COMMD10: variants seen among roughly 807,000 people sequenced by gnomAD.
COMMD10 encodes COMM domain containing 10.
Under a neutral mutation model 28.9 loss-of-function variants are expected in COMMD10, and 33 were observed. The observed-to-expected ratio is 1.14, with a 90% CI of 0.87 to 1.53. The LOEUF is 1.53. Among genes scored for constraint, COMMD10 ranks in the 40% most tolerant of loss-of-function variants. The pLI, the probability that COMMD10 is intolerant of heterozygous loss-of-function variation, is 0.00. For missense variants in COMMD10, 310 were observed against 233.4 expected (o/e 1.33, Z -2.14); for synonymous variants, 110 against 81.7 (o/e 1.35, Z -1.87).
chr5:116,110,912 C>G (rs906610912), intron 4 of COMMD10, among the ~76,000 whole-genome samples: 1 of 152,174 alleles, frequency 6.6e-6, no homozygotes, highest in Non-Finnish European at 1.5e-5. Flanking sequence ...AAACCTGCCT[C>G]CATCATCCAA....
intron 5 of COMMD10, among the ~76,000 whole-genome samples, chr5:116,250,873 C>G (rs1750093415): frequency 6.6e-6 from 1 of 151,984 alleles, no homozygotes; most frequent in African/African-American, 2.4e-5. Context: ...AGAAACCAGT[C>G]TGATTTCAGT....
chr5:116,258,981 TC>T (rs1750365105), intron 5 of COMMD10, among the ~76,000 whole-genome samples: 1 of 151,702 alleles, frequency 6.6e-6, no homozygotes, highest in South Asian at 2.1e-4. Context: ...ACTTTATATT[TC>T]CTCATTTTGC....
At chr5:116,289,399 G>T (rs184419181) in intron 5 of COMMD10, among the ~76,000 whole-genome samples, 28 of 151,918 alleles carry the variant, frequency 1.8e-4, no homozygotes, top group Admixed American at 1.8e-3. Context: ...TTGTGCAGGG[G>T]AAGACCTTCA....
At chr5:116,183,801 G>A (rs1423544318) in intron 5 of COMMD10, among the ~76,000 whole-genome samples, 1 of 152,074 alleles carries the variant, frequency 6.6e-6, no homozygotes, top group Non-Finnish European at 1.5e-5. Flanking sequence ...TGGCCCTTAG[G>A]AAATGTCTCT....
intron 5 of COMMD10, among the ~76,000 whole-genome samples, chr5:116,277,264 A>G (rs1381441002): frequency 2.0e-5 from 3 of 151,906 alleles, no homozygotes; most frequent in Non-Finnish European, 2.9e-5. Flanking sequence ...ATAGAAATAT[A>G]TCAACTCATT....
intron 5 of COMMD10, among the ~76,000 whole-genome samples, chr5:116,192,013 C>G (rs985435404): frequency 1.3e-5 from 2 of 151,744 alleles, no homozygotes; most frequent in African/African-American, 4.8e-5. Flanking sequence ...ACCCCCAGTA[C>G]CAGCCTGGAG....
intron 5 of COMMD10, among the ~76,000 whole-genome samples, chr5:116,207,929 T>A (rs1210968736): frequency 1.3e-5 from 2 of 152,192 alleles, no homozygotes; most frequent in African/African-American, 2.4e-5. Context: ...ATTGTGTTAA[T>A]CTCTGGGAAT....
intron 4 of COMMD10, among the ~76,000 whole-genome samples, chr5:116,104,204 G>GGGGAT (rs1393456838): frequency 6.6e-6 from 1 of 152,156 alleles, no homozygotes; most frequent in Non-Finnish European, 1.5e-5. Context: ...GTAGCTTGAT[G>GGGGAT]GGGATAGCAT....
At position 116,085,059 on chromosome 5, in the gene COMMD10, G is replaced by C. The variant is rs894944869; in HGVS notation, c.7G>C (p.Val3Leu). 1.2e-6 allele frequency: 2 copies of C among 1,609,152 alleles called. No homozygotes were observed. Among genetic ancestry groups the C allele is most frequent in the South Asian group, 1.1e-5 (1 of 90,164 alleles). MAVPAALILRESP... is the reference protein window; with the variant it reads MALPAALILRESP... Reference sequence around the variant, plus strand: ...CAGTGCGAGAAAGCCGAAGATGGCGGTCCCCGCGGCGCTGATCCTACGGGA... The same window carrying C: ...CAGTGCGAGAAAGCCGAAGATGGCGCTCCCCGCGGCGCTGATCCTACGGGA... The change falls in exon 1 of 7, where the codon GTC becomes CTC. Residue 3 changes from valine to leucine, a missense_variant. By Grantham distance (32) the Val-to-Leu change is conservative (BLOSUM62 1). Transcript: ENST00000274458.
chr5:116,126,664 AG>A (rs1254735428), intron 4 of COMMD10, among the ~76,000 whole-genome samples: 2 of 152,064 alleles, frequency 1.3e-5, no homozygotes, highest in East Asian at 3.8e-4. Flanking sequence ...GACAAAAACA[AG>A]AAATGGGGAA....
chr5:116,224,273 G>A (rs1749336676), intron 5 of COMMD10, among the ~76,000 whole-genome samples: 1 of 152,148 alleles, frequency 6.6e-6, no homozygotes, highest in Admixed American at 6.5e-5. Flanking sequence ...CTGTTCACTA[G>A]AATTAGGAAA....
chr5:116,281,959 T>C (rs1240619438), intron 5 of COMMD10, among the ~76,000 whole-genome samples: 1 of 151,860 alleles, frequency 6.6e-6, no homozygotes, highest in Non-Finnish European at 1.5e-5. Context: ...CCTGGGCAAT[T>C]TCATGTACTT....
intron 5 of COMMD10, among the ~76,000 whole-genome samples, chr5:116,215,703 T>C (rs972137481): frequency 3.0e-5 from 2 of 65,892 alleles, no homozygotes; most frequent in Non-Finnish European, 4.9e-5. Context: ...GAAATATATA[T>C]ATATATATAT....
At chr5:116,175,169 C>T (rs1753462243) in intron 5 of COMMD10, among the ~76,000 whole-genome samples, 1 of 151,774 alleles carries the variant, frequency 6.6e-6, no homozygotes, top group Non-Finnish European at 1.5e-5. Context: ...TTTTATTTGT[C>T]TCAGTTGTAT....
intron 5 of COMMD10, among the ~76,000 whole-genome samples, chr5:116,276,729 ATAT>A (rs1195684573): frequency 5.3e-5 from 8 of 151,804 alleles, no homozygotes; most frequent in Admixed American, 2.0e-4. Context: ...CATCTCAAAA[ATAT>A]TATATTAAAT....
chr5:116,167,899 C>T (rs550845710), intron 5 of COMMD10, among the ~76,000 whole-genome samples: 22 of 152,190 alleles, frequency 1.4e-4, no homozygotes, highest in Admixed American at 1.0e-3. Context: ...TAAAGACCAT[C>T]GACACTATGA....
rs193197755 is a variant in COMMD10, at chr5:116,272,571, C to T, written c.511-18946C>T. Among the ~76,000 whole-genome samples, 169 of 151,958 alleles carry T rather than the reference C, an allele frequency of 1.1e-3. 3 individuals are homozygous for T. The highest frequency in any genetic ancestry group is 2.5e-3 in the Admixed American group (38 of 15,260). Reference sequence around the variant, plus strand: ...ATAGCCTTTGCTCGTGACTGGACCACTTTCATCTCTTGGTAGCCATTGTTC... The same window carrying T: ...ATAGCCTTTGCTCGTGACTGGACCATTTTCATCTCTTGGTAGCCATTGTTC... On this transcript the variant is annotated intron_variant, in intron 5 of 6. Coordinates refer to ENST00000274458, the MANE Select transcript of COMMD10 (RefSeq NM_016144.4).
At chr5:116,216,937 T>A (rs1266816450) in intron 5 of COMMD10, among the ~76,000 whole-genome samples, 1 of 152,124 alleles carries the variant, frequency 6.6e-6, no homozygotes, top group East Asian at 1.9e-4. Context: ...ACACTGTATT[T>A]TTAGTCCAAA....
intron 5 of COMMD10, among the ~76,000 whole-genome samples, chr5:116,190,227 G>A (rs975754082): frequency 6.6e-6 from 1 of 151,984 alleles, no homozygotes; most frequent in Non-Finnish European, 1.5e-5. Flanking sequence ...TCCTGATGGT[G>A]TATTTTGAGG....
Sources: gnomAD v4.1 joint callset for allele counts (sites outside exome capture counted in the v4.1 genomes callset) on GRCh38, gnomAD v4.1.1 for gene constraint, MANE v1.5 for transcripts, NCBI Gene and HGNC (gene_info 2026-07-23, HGNC 2026-07-21) for gene names.